Variants in ARID2 observed in about 807,000 individuals in gnomAD.
ARID2 encodes AT-rich interactive domain-containing protein 2.
ARID2 carries 32 observed loss-of-function variants against 184.6 expected under a neutral mutation model. That is an observed-to-expected ratio of 0.17 (90% CI 0.13 to 0.23). ARID2 has a LOEUF of 0.23. Among genes scored for constraint, ARID2 ranks in the 10% least tolerant of loss-of-function variants. The pLI is 1.00. For synonymous variants in ARID2, 836 were observed against 772.6 expected, an observed-to-expected ratio of 1.08 and a Z score of -1.36; for missense variants, 1,696 against 2,197.6, an observed-to-expected ratio of 0.77 and a Z score of 4.56.
chr12:45,839,794 ATTTGTGATT>A, intron 11 of ARID2: 1 of 236,628 alleles, frequency 4.2e-6, no homozygotes, highest in Admixed American at 5.1e-5. Context: ...TAGGCATATT[ATTTGTGATT>A]TTGGTCATGG....
chr12:45,899,741 T>TTATA (rs1202473985), intron 20 of ARID2, among the ~76,000 whole-genome samples: 9 of 105,104 alleles, frequency 8.6e-5, no homozygotes, highest in African/African-American at 1.4e-4. Flanking sequence ...ATATATGGTT[T>TTATA]TATATATATA....
chr12:45,821,681 CAT>C (rs1230551415), intron 6 of ARID2, among the ~76,000 whole-genome samples, 194 bp downstream of exon 6: 2 of 152,108 alleles, frequency 1.3e-5, no homozygotes, highest in Non-Finnish European at 2.9e-5. Flanking sequence ...CACGAACAGA[CAT>C]AAAATTTTCA....
At chr12:45,759,654 A>C (rs1941637290) in intron 3 of ARID2, among the ~76,000 whole-genome samples, 1 of 152,112 alleles carries the variant, frequency 6.6e-6, no homozygotes, top group Non-Finnish European at 1.5e-5. Context: ...CATACCTAGG[A>C]ATTAGTTCCA....
chr12:45,846,381 G>A (rs1943440646), intron 11 of ARID2, among the ~76,000 whole-genome samples: 1 of 152,068 alleles, frequency 6.6e-6, no homozygotes, highest in African/African-American at 2.4e-5. Context: ...AGGGAGTGAA[G>A]CCATAATTTC....
chr12:45,792,462 A>AT (rs1290373876), intron 3 of ARID2, among the ~76,000 whole-genome samples: 19 of 152,184 alleles, frequency 1.2e-4, no homozygotes, highest in African/African-American at 4.6e-4. Flanking sequence ...TTTTAAATAT[A>AT]TTCTATCTGT....
At chr12:45,787,623 A>G (rs1942220328) in intron 3 of ARID2, among the ~76,000 whole-genome samples, 3 of 152,132 alleles carry the variant, frequency 2.0e-5, no homozygotes, top group Non-Finnish European at 2.9e-5. Context: ...AAAATATATC[A>G]CTGCTATAAT....
chr12:45,848,065 C>T (rs563790803), intron 12 of ARID2, among the ~76,000 whole-genome samples: 1 of 151,812 alleles, frequency 6.6e-6, no homozygotes, highest in East Asian at 1.9e-4. Context: ...TTGCACGTTT[C>T]TGCTATTTCT....
intron 3 of ARID2, among the ~76,000 whole-genome samples, chr12:45,774,313 AC>A (rs1032169394): frequency 9.9e-5 from 15 of 152,202 alleles, no homozygotes; most frequent in Admixed American, 9.2e-4. Flanking sequence ...AGAATAAAGG[AC>A]CCTTACATGT....
chr12:45,883,907 G>A (rs1284464091), intron 16 of ARID2, among the ~76,000 whole-genome samples: 4 of 152,088 alleles, frequency 2.6e-5, no homozygotes, highest in Admixed American at 2.0e-4. Flanking sequence ...CGTACTTTGC[G>A]CTATGTGCAG....
At chr12:45,822,188 A>G (rs1465725922) in intron 6 of ARID2, among the ~76,000 whole-genome samples, 2 of 152,064 alleles carry the variant, frequency 1.3e-5, no homozygotes, top group East Asian at 1.9e-4. Flanking sequence ...TTCTAAATCT[A>G]TCCACTTTGT....
intron 3 of ARID2, among the ~76,000 whole-genome samples, chr12:45,782,405 A>G (rs558599557): frequency 2.5e-4 from 38 of 152,072 alleles, no homozygotes; most frequent in African/African-American, 7.5e-4. Flanking sequence ...GCCGAGGTGG[A>G]TGGATCACCT....
At chr12:45,806,455 G>A (rs574468207) in intron 3 of ARID2, among the ~76,000 whole-genome samples, 8 of 151,704 alleles carry the variant, frequency 5.3e-5, no homozygotes, top group South Asian at 2.1e-4. Flanking sequence ...CATTTATTCC[G>A]GTCTCTCCTA....
chr12:45,898,994 C>T lies in ARID2; in HGVS notation c.5363+5273C>T, dbSNP rs143301204. On this transcript the variant is annotated intron_variant, in intron 20 of 20. Transcript: ENST00000334344. Reference sequence around the variant, plus strand: ...AAAAATAAATTTTAAAAAATCAAGGCGGGGCGTGGTGGCTCATGCCTGTAA... The same window carrying T: ...AAAAATAAATTTTAAAAAATCAAGGTGGGGCGTGGTGGCTCATGCCTGTAA... Among the ~76,000 whole-genome samples, 333 of 151,996 alleles carry T rather than the reference C, an allele frequency of 2.2e-3. 7 individuals are homozygous for T. Among genetic ancestry groups the T allele is most frequent in the Admixed American group, 0.019 (287 of 15,248 alleles).
At chr12:45,830,259 G>A (rs1427721875) in intron 6 of ARID2, among the ~76,000 whole-genome samples, 1 of 151,960 alleles carries the variant, frequency 6.6e-6, no homozygotes, top group Non-Finnish European at 1.5e-5. Flanking sequence ...TGTACAGATT[G>A]GATTGAAAGT....
chr12:45,880,911 G>T, intron 16 of ARID2: 1 of 198,336 alleles, frequency 5.0e-6, no homozygotes, highest in Non-Finnish European at 1.1e-5. Flanking sequence ...AGTTTTGGCT[G>T]TTTGGGGGGA....
chr12:45,837,720 C>CA lies in ARID2; in HGVS notation c.1330+19dup. 1 of 1,599,632 alleles carries CA rather than the reference C, an allele frequency of 6.3e-7. No individual in the cohort carries two copies. The highest frequency in any genetic ancestry group is 1.1e-5 in the South Asian group (1 of 90,200). On this transcript the variant is annotated intron_variant, in intron 10 of 20. Coordinates refer to ENST00000334344, the MANE Select transcript of ARID2 (RefSeq NM_152641.4). Reference sequence around the variant, plus strand: ...GAAAAGAGCATAGGTAAGACTGGACCAAAAAACACTTATTTTCTTTATTGA... The same window carrying CA: ...GAAAAGAGCATAGGTAAGACTGGACCAAAAAAACACTTATTTTCTTTATTGA...
At chr12:45,855,416 A>C (rs1592123930) in intron 15 of ARID2, among the ~76,000 whole-genome samples, 1 of 152,176 alleles carries the variant, frequency 6.6e-6, no homozygotes, top group African/African-American at 2.4e-5. Flanking sequence ...TTTGCAAGGA[A>C]AAAGAGATGT....
intron 20 of ARID2, among the ~76,000 whole-genome samples, chr12:45,895,749 G>A (rs924216638): frequency 2.0e-5 from 3 of 152,138 alleles, no homozygotes; most frequent in Admixed American, 2.0e-4. Flanking sequence ...TGGCCAGTTT[G>A]GTCTTGAACT....
chr12:45,876,885 C>T lies in ARID2; in HGVS notation c.4923-14895C>T, dbSNP rs149194535. Among the ~76,000 whole-genome samples, 1,168 of 151,198 alleles carry T rather than the reference C, an allele frequency of 7.7e-3. 19 individuals carry two copies. Among genetic ancestry groups the T allele is most frequent in the African/African-American group, 0.026 (1,084 of 41,236 alleles). On this transcript the variant is annotated intron_variant, in intron 16 of 20. Transcript: ENST00000334344. ...TGGGCGGATCACAAGTTCAGGAGAC[C>T]GAGACCATCCTGGCTAACACAGTGA...
Sources: allele counts gnomAD v4.1 joint callset (sites outside exome capture counted in the v4.1 genomes callset), GRCh38; gene constraint gnomAD v4.1.1; transcripts MANE v1.5; gene names NCBI Gene and HGNC (gene_info 2026-07-23, HGNC 2026-07-21).